Variants in OSBPL10 observed in about 807,000 individuals in gnomAD.
OSBPL10 encodes oxysterol-binding protein-related protein 10.
In OSBPL10, 49 loss-of-function variants were observed where a neutral mutation model predicts 81.7. The ratio of observed to expected loss-of-function variants is 0.60; its 90% CI spans 0.48 to 0.76. OSBPL10 has a LOEUF of 0.76. Ranked by LOEUF, OSBPL10 falls within the 30% of genes least tolerant of loss-of-function variation. The pLI is 0.00. For synonymous variants in OSBPL10, 419 were observed against 383.6 expected, an observed-to-expected ratio of 1.09 and a Z score of -1.08; for missense variants, 923 against 987.8, an observed-to-expected ratio of 0.93 and a Z score of 0.88.
intron 7 of OSBPL10, 150 bp downstream of exon 7, chr3:31,702,209 G>A (rs1312265196): frequency 2.2e-6 from 2 of 910,834 alleles, no homozygotes; most frequent in Admixed American, 2.9e-5. Flanking sequence ...ATTATACCTG[G>A]AATATCCATA....
chr3:31,838,553 T>A (rs993248033), intron 3 of OSBPL10, among the ~76,000 whole-genome samples: 3 of 134,148 alleles, frequency 2.2e-5, no homozygotes, highest in Non-Finnish European at 1.6e-5. Flanking sequence ...TATATTGAAA[T>A]CCTAACCCCA....
chr3:31,984,462 C>G (rs1048269875), upstream of OSBPL10, among the ~76,000 whole-genome samples: 2 of 151,914 alleles, frequency 1.3e-5, no homozygotes, highest in Admixed American at 1.3e-4. Context: ...TGCACTGAGT[C>G]AGTTCCTGAG....
chr3:31,775,008 A>T (rs183260160), intron 4 of OSBPL10, among the ~76,000 whole-genome samples: 106 of 151,708 alleles, frequency 7.0e-4, no homozygotes, highest in Non-Finnish European at 1.1e-3. Flanking sequence ...TTCTACAAAA[A>T]GTACAAAAAT....
At chr3:31,823,768 C>T (rs1700035845) in intron 4 of OSBPL10, among the ~76,000 whole-genome samples, 1 of 152,058 alleles carries the variant, frequency 6.6e-6, no homozygotes, top group African/African-American at 2.4e-5. Flanking sequence ...TATATTACAG[C>T]ACATCTCCAT....
chr3:31,971,146 T>C (rs1008983505), intron 1 of OSBPL10, among the ~76,000 whole-genome samples: 20 of 116,436 alleles, frequency 1.7e-4, no homozygotes, highest in Admixed American at 6.7e-4. Context: ...TTTCTTTTTT[T>C]TTTTTTTTTT....
At chr3:31,881,404 C>G (rs1165222898) in intron 1 of OSBPL10, among the ~76,000 whole-genome samples, 1 of 152,204 alleles carries the variant, frequency 6.6e-6, no homozygotes, top group Non-Finnish European at 1.5e-5. Context: ...TTGAGGGATA[C>G]ATGGCGAGAC....
At chr3:31,909,543 T>C (rs1390479272) in intron 1 of OSBPL10, among the ~76,000 whole-genome samples, 2 of 150,848 alleles carry the variant, frequency 1.3e-5, no homozygotes, top group East Asian at 3.9e-4. Context: ...AAGGAACTTC[T>C]CACTAAATTG....
Position 31,743,031 on chromosome 3 carries a change from GTTTT to G in OSBPL10, c.940+4875_940+4878del, listed in dbSNP as rs10715360. Among the ~76,000 whole-genome samples the G allele has an allele frequency of 4.0e-3, 228 of 57,524 alleles. 5 individuals carry two copies. The highest frequency in any genetic ancestry group is 0.026 in the Admixed American group (110 of 4,298). The allele number at this position is 57,524 out of a possible 152,430, so 37.7% of individuals were successfully genotyped here. A position where few individuals can be genotyped will look rare whatever the true frequency, so the allele number is the denominator to read the frequency against. On this transcript the variant is annotated intron_variant, in intron 5 of 11. Transcript: ENST00000396556. ...AAGTCTTGACCGAAAAGCTAAATTA[GTTTT>G]TTTTTTTTTTTTTTTTTTTTTTTTA...
intron 2 of OSBPL10, chr3:31,989,799 T>G: frequency 6.2e-7 from 1 of 1,614,170 alleles, no homozygotes; most frequent in East Asian, 2.2e-5. Context: ...AAGCCTTTAA[T>G]TGTAGCTCAC....
intron 4 of OSBPL10, among the ~76,000 whole-genome samples, chr3:31,806,114 G>T (rs1575556748): frequency 6.6e-6 from 1 of 152,238 alleles, no homozygotes; most frequent in Middle Eastern, 3.4e-3. Flanking sequence ...ACAGGCCCTG[G>T]ATGCTTAGCC....
intron 3 of OSBPL10, among the ~76,000 whole-genome samples, chr3:31,830,698 T>G (rs1341003318): frequency 6.6e-6 from 1 of 152,200 alleles, no homozygotes; most frequent in African/African-American, 2.4e-5. Context: ...TGCATCAAGA[T>G]TATATTGATT....
chr3:31,743,031 GTTTTTTTTT>G (rs10715360), intron 5 of OSBPL10, among the ~76,000 whole-genome samples: 4 of 57,494 alleles, frequency 7.0e-5, no homozygotes, highest in Non-Finnish European at 9.7e-5. Context: ...AGCTAAATTA[GTTTTTTTTT>G]TTTTTTTTTT....
intron 4 of OSBPL10, among the ~76,000 whole-genome samples, chr3:31,787,786 G>A (rs1698896661): frequency 6.6e-6 from 1 of 152,006 alleles, no homozygotes; most frequent in South Asian, 2.1e-4. Context: ...AAATCTACAT[G>A]CCTTCTAGGT....
chr3:31,925,350 C>T (rs1697041426), intron 1 of OSBPL10, among the ~76,000 whole-genome samples: 1 of 152,124 alleles, frequency 6.6e-6, no homozygotes, highest in African/African-American at 2.4e-5. Context: ...AGCCATCCTC[C>T]ACATCCCTTC....
chr3:31,779,089 C>A (rs186169267), intron 4 of OSBPL10, among the ~76,000 whole-genome samples: 51 of 152,128 alleles, frequency 3.4e-4, no homozygotes, highest in Non-Finnish European at 5.4e-4. Context: ...AAAACAAAAC[C>A]TCAAAATACA....
intron 6 of OSBPL10, among the ~76,000 whole-genome samples, chr3:31,730,592 T>C (rs546462985): frequency 1.3e-5 from 2 of 152,318 alleles, no homozygotes; most frequent in East Asian, 3.9e-4. Flanking sequence ...ATTTAGTTAG[T>C]TCTAGCCCCA....
intron 4 of OSBPL10, among the ~76,000 whole-genome samples, chr3:31,813,990 A>G (rs1699772719): frequency 6.6e-6 from 1 of 152,240 alleles, no homozygotes; most frequent in Non-Finnish European, 1.5e-5. Context: ...CACGGCTTAA[A>G]CAAAGCTGAG....
At chr3:31,998,604 A>G (rs1241827900) in intron 2 of OSBPL10, among the ~76,000 whole-genome samples, 1 of 152,220 alleles carries the variant, frequency 6.6e-6, no homozygotes, top group African/African-American at 2.4e-5. Context: ...TCTTTTTCAA[A>G]TAATTTGATG....
chr3:32,028,180 G>T (rs1444464665), intron 2 of OSBPL10, among the ~76,000 whole-genome samples: 2 of 152,198 alleles, frequency 1.3e-5, no homozygotes, highest in Admixed American at 6.5e-5. Flanking sequence ...CATACTCATA[G>T]ATATAAATGT....
Sources: allele counts gnomAD v4.1 joint callset (sites outside exome capture counted in the v4.1 genomes callset), GRCh38; gene constraint gnomAD v4.1.1; transcripts MANE v1.5; gene names NCBI Gene and HGNC (gene_info 2026-07-23, HGNC 2026-07-21).